LTBP1: variants seen among roughly 807,000 people sequenced by gnomAD.
LTBP1 encodes the protein latent-transforming growth factor beta-binding protein 1.
LTBP1 carries 129 observed loss-of-function variants against 207.6 expected under a neutral mutation model. The observed-to-expected ratio is 0.62, with a 90% CI of 0.54 to 0.72. LTBP1 has a LOEUF of 0.72. LTBP1 is among the 30% of genes least tolerant of loss of function. The pLI is 0.00. For synonymous variants in LTBP1, 963 were observed against 833.7 expected (o/e 1.16, Z -2.67); for missense variants, 2,281 against 2,217.2 (o/e 1.03, Z -0.58).
chr2:33,004,912 G>A (rs1386580878), intron 2 of LTBP1, among the ~76,000 whole-genome samples: 1 of 151,284 alleles, frequency 6.6e-6, no homozygotes, highest in Non-Finnish European at 1.5e-5. Flanking sequence ...TCATTGGAAA[G>A]CTGGCTTTGC....
At chr2:33,268,039 A>G (rs899949899) in intron 15 of LTBP1, among the ~76,000 whole-genome samples, 3 of 152,222 alleles carry the variant, frequency 2.0e-5, no homozygotes, top group Admixed American at 6.5e-5. Flanking sequence ...AGTTGTAGGT[A>G]CTTCCACTTT....
chr2:33,382,895 G>A (rs926313850), intron 31 of LTBP1, among the ~76,000 whole-genome samples: 8 of 152,136 alleles, frequency 5.3e-5, no homozygotes, highest in South Asian at 4.1e-4. Context: ...AATGTATTCC[G>A]GGATAAAGAG....
intron 21 of LTBP1, among the ~76,000 whole-genome samples, 199 bp from the exon 22 acceptor site, chr2:33,301,323 A>G (rs1270552883): frequency 6.6e-6 from 1 of 152,240 alleles, no homozygotes; most frequent in Non-Finnish European, 1.5e-5. Flanking sequence ...AATAAACAAT[A>G]TCCACGTCTT....
intron 2 of LTBP1, among the ~76,000 whole-genome samples, chr2:32,993,287 A>G (rs10204908): frequency 0.074 from 11,216 of 152,184 alleles, 507 homozygotes; most frequent in South Asian, 0.19. Flanking sequence ...AAAGAAAGGA[A>G]AGAATTCAAG....
At chr2:33,390,197 C>T (rs1035368646) in intron 32 of LTBP1, among the ~76,000 whole-genome samples, 1 of 152,036 alleles carries the variant, frequency 6.6e-6, no homozygotes, top group Admixed American at 6.6e-5. Context: ...TAATGTGTGC[C>T]AACTTTTCCT....
intron 2 of LTBP1, among the ~76,000 whole-genome samples, chr2:32,954,332 A>G (rs1210663602): frequency 6.6e-6 from 1 of 152,168 alleles, no homozygotes; most frequent in Non-Finnish European, 1.5e-5. Context: ...ATAGAAATGT[A>G]TTGTCTCACA....
At position 33,259,603 on chromosome 2, in the gene LTBP1, CT is replaced by C; in HGVS notation, c.2412del (p.Glu805LysfsTer36). ...VAEPEVATAP[P>X]EKEIPSLDQE... ...CTGGTTTTAGTGGCAACTGCACCCCCTGAAAAGGTAATTTATTCATTGCTTG... is the reference window on the plus strand; with the variant it reads ...CTGGTTTTAGTGGCAACTGCACCCCCGAAAAGGTAATTTATTCATTGCTTG... On this transcript the variant is annotated frameshift_variant, in exon 13 of 34. Coordinates refer to ENST00000404816, the MANE Select transcript of LTBP1 (RefSeq NM_206943.4). LOFTEE classifies it high-confidence loss of function. 6.2e-7 allele frequency: 1 copy of C among 1,603,078 alleles called. No individual in the cohort carries two copies. Among genetic ancestry groups the C allele is most frequent in the Non-Finnish European group, 8.5e-7 (1 of 1,175,272 alleles).
intron 23 of LTBP1, among the ~76,000 whole-genome samples, chr2:33,313,625 T>C (rs796223108): frequency 3.1e-4 from 47 of 152,302 alleles, no homozygotes; most frequent in African/African-American, 1.1e-3. Flanking sequence ...GAAAACGACC[T>C]TAGTGGAGGT....
At chr2:33,120,733 G>A (rs528276723) in intron 4 of LTBP1, among the ~76,000 whole-genome samples, 1 of 152,256 alleles carries the variant, frequency 6.6e-6, no homozygotes, top group South Asian at 2.1e-4. Flanking sequence ...TGGGTTGAAT[G>A]GTAGTTCTGC....
chr2:32,982,147 G>C (rs1054388770), intron 2 of LTBP1, among the ~76,000 whole-genome samples: 1 of 152,178 alleles, frequency 6.6e-6, no homozygotes, highest in Admixed American at 6.5e-5. Flanking sequence ...TAGTGATAGA[G>C]ACAATAAAGT....
chr2:33,032,144 G>T (rs1286721243), intron 3 of LTBP1, among the ~76,000 whole-genome samples: 1 of 152,150 alleles, frequency 6.6e-6, no homozygotes, highest in African/African-American at 2.4e-5. Flanking sequence ...TATGTTAAAT[G>T]GAATGATATG....
chr2:33,026,921 G>A (rs1264691443), intron 3 of LTBP1, among the ~76,000 whole-genome samples: 1 of 152,196 alleles, frequency 6.6e-6, no homozygotes, highest in Non-Finnish European at 1.5e-5. Context: ...AAAGCCCCTT[G>A]TTCTTAGACT....
chr2:33,197,249 A>G (rs1014672452), intron 7 of LTBP1, among the ~76,000 whole-genome samples: 1 of 152,254 alleles, frequency 6.6e-6, no homozygotes, highest in Non-Finnish European at 1.5e-5. Flanking sequence ...TTGAATATAA[A>G]TCAAGTATGA....
At chr2:33,330,562 C>T (rs989780938) in intron 24 of LTBP1, among the ~76,000 whole-genome samples, 3 of 150,784 alleles carry the variant, frequency 2.0e-5, no homozygotes, top group Non-Finnish European at 4.4e-5. Context: ...CTTTATCATG[C>T]TTGGTTTTGA....
chr2:33,097,577 G>GT (rs1212691745), intron 3 of LTBP1, among the ~76,000 whole-genome samples: 1 of 152,012 alleles, frequency 6.6e-6, no homozygotes, highest in African/African-American at 2.4e-5. Context: ...ACTTTATTTT[G>GT]TTTTTTAGCT....
At chr2:33,386,091 T>A (rs994087441) in intron 31 of LTBP1, among the ~76,000 whole-genome samples, 5 of 152,190 alleles carry the variant, frequency 3.3e-5, no homozygotes, top group African/African-American at 9.7e-5. Context: ...TCAGAAGACT[T>A]CTTTAGGAAC....
chr2:33,043,122 C>T (rs903342186), intron 3 of LTBP1, among the ~76,000 whole-genome samples: 4 of 152,182 alleles, frequency 2.6e-5, no homozygotes, highest in Non-Finnish European at 4.4e-5. Flanking sequence ...GTGAGATTGG[C>T]AAATTCACTA....
chr2:33,346,834 T>A lies in LTBP1; in HGVS notation c.3857-533T>A, dbSNP rs545291776. Reference sequence around the variant, plus strand: ...TATCTTTTAAAACTAGATTGGGAATTGGCTGGGCGCAGTGGCTCGCGCCTG... The same window carrying A: ...TATCTTTTAAAACTAGATTGGGAATAGGCTGGGCGCAGTGGCTCGCGCCTG... On this transcript the variant is annotated intron_variant, in intron 25 of 33. Coordinates refer to ENST00000404816, the MANE Select transcript of LTBP1 (RefSeq NM_206943.4). Among the ~76,000 whole-genome samples the A allele has an allele frequency of 2.0e-5, 3 of 151,342 alleles. No individual in the cohort carries two copies. The South Asian group carries it at 6.3e-4, about 32-fold the overall frequency.
rs1685028208 is a variant in LTBP1, at chr2:32,994,980, A to C, written c.566-25929A>C. Among the ~76,000 whole-genome samples the C allele has an allele frequency of 1.3e-5, 2 of 152,206 alleles. 1 individual carries two copies. The highest frequency in any genetic ancestry group is 4.1e-4 in the South Asian group (2 of 4,838). ...TGAGGTGGGAAGATTGCTTGAGGTC[A>C]GAAGTTCAAGACCAACCTGGACAAC... On this transcript the variant is annotated intron_variant, in intron 2 of 33. Coordinates refer to ENST00000404816, the MANE Select transcript of LTBP1 (RefSeq NM_206943.4).
Sources: allele counts gnomAD v4.1 joint callset (sites outside exome capture counted in the v4.1 genomes callset), GRCh38; gene constraint gnomAD v4.1.1; transcripts MANE v1.5; gene names NCBI Gene and HGNC (gene_info 2026-07-23, HGNC 2026-07-21).